Variants in C6orf52 observed in about 807,000 individuals in gnomAD.
C6orf52 encodes putative uncharacterized protein C6orf52.
In C6orf52, 16 loss-of-function variants were observed where a neutral mutation model predicts 16.6. That is an observed-to-expected ratio of 0.96 (90% CI 0.65 to 1.46). The LOEUF (loss-of-function observed/expected upper bound fraction) is 1.46. C6orf52 is among the 40% of genes most tolerant of loss of function. C6orf52 has a pLI of 0.00. For missense variants in C6orf52, 166 were observed against 182.3 expected (o/e 0.91, Z 0.52); for synonymous variants, 53 against 61.4 (o/e 0.86, Z 0.64).
chr6:10,683,379 G>C (rs895323555), intron 3 of C6orf52, 147 bp from the exon 4 acceptor site: 1 of 543,272 alleles, frequency 1.8e-6, no homozygotes, highest in Non-Finnish European at 3.2e-6. Context: ...ATCAACTTTT[G>C]AATTTGATGA....
intron 1 of C6orf52, among the ~76,000 whole-genome samples, chr6:10,690,377 CCACTT>C (rs1236954893): frequency 6.6e-6 from 1 of 152,166 alleles, no homozygotes; most frequent in Admixed American, 6.5e-5. Context: ...AGCATTATCT[CCACTT>C]CCCTTCGTGC....
chr6:10,687,261 ATG>A, intron 2 of C6orf52, 97 bp from the exon 3 acceptor site: 1 of 915,448 alleles, frequency 1.1e-6, no homozygotes. Flanking sequence ...CTGAACACCT[ATG>A]TTCAAAGCCA....
chr6:10,690,122 A>G (rs1353372120), intron 1 of C6orf52, among the ~76,000 whole-genome samples: 2 of 152,210 alleles, frequency 1.3e-5, no homozygotes, highest in African/African-American at 2.4e-5. Context: ...AGAGAGGTCA[A>G]TGTAATCATG....
At chr6:10,676,461 G>A (rs959647383) in intron 4 of C6orf52, among the ~76,000 whole-genome samples, 1 of 152,200 alleles carries the variant, frequency 6.6e-6, no homozygotes, top group Non-Finnish European at 1.5e-5. Context: ...CTAGAAGCTT[G>A]CACATGCAAA....
Position 10,687,157 on chromosome 6 carries a change from A to AG in C6orf52, c.78dup (p.Ser27LeufsTer4). On this transcript the variant is annotated frameshift_variant, in exon 3 of 5. Transcript: ENST00000259983. LOFTEE classifies it high-confidence loss of function. ...AACTCCTGCTTCACTCTAATAGCAG[A>AG]GGGGAGACTACAGGAATGACAATCA... The AG allele has an allele frequency of 6.5e-7, 1 of 1,547,536 alleles. No individual in the cohort carries two copies. The highest frequency in any genetic ancestry group is 8.7e-7 in the Non-Finnish European group (1 of 1,144,430).
At chr6:10,694,612 AAGTCGGCCCCACC>A in exon 1 of C6orf52, 1 of 183,288 alleles carries the variant, frequency 5.5e-6, no homozygotes, top group Non-Finnish European at 1.2e-5. Flanking sequence ...AACCGGCCGG[AAGTCGGCCCCACC>A]TCCTCCTGAT....
In C6orf52 at chr6:10,687,572, A is replaced by G; in HGVS notation, c.-11-11T>C. The G allele has an allele frequency of 6.6e-7, 1 of 1,518,158 alleles. No individual in the cohort carries two copies. Among genetic ancestry groups the G allele is most frequent in the South Asian group, 1.2e-5 (1 of 82,862 alleles). The allele number at this position is 1,518,158 out of a possible 1,614,324, so 94.0% of individuals were successfully genotyped here. A position where few individuals can be genotyped will look rare whatever the true frequency, so the allele number is the denominator to read the frequency against. On this transcript the variant is annotated splice_polypyrimidine_tract_variant and intron_variant, in intron 1 of 4. Transcript: ENST00000259983. The stretch of plus-strand genomic sequence containing the variant: ...CCATTTACCCAGAAACTTTACAAAA[A>G]GAGAGCAGAATCCAGTTTTTATTCC...
chr6:10,676,249 T>G (rs1018801163), intron 4 of C6orf52, among the ~76,000 whole-genome samples: 1 of 152,256 alleles, frequency 6.6e-6, no homozygotes. Flanking sequence ...ATAATCAGGT[T>G]ATTTTCTTGC....
chr6:10,686,025 G>A (rs1034882739), intron 3 of C6orf52, among the ~76,000 whole-genome samples: 1 of 152,098 alleles, frequency 6.6e-6, no homozygotes, highest in African/African-American at 2.4e-5. Flanking sequence ...GTCAGATAAG[G>A]GATGAGCTAA....
chr6:10,692,870 CTGAGAA>C (rs1482137677), intron 1 of C6orf52, among the ~76,000 whole-genome samples: 1 of 152,170 alleles, frequency 6.6e-6, no homozygotes, highest in Non-Finnish European at 1.5e-5. Flanking sequence ...TTCCACTAGA[CTGAGAA>C]TTAGTTTGTC....
Position 10,686,937 on chromosome 6 carries a change from G to A in C6orf52, c.270+29C>T, listed in dbSNP as rs557852372. 31 of 1,466,386 alleles carry A rather than the reference G, an allele frequency of 2.1e-5. No homozygotes were observed. In the East Asian group the frequency reaches 2.5e-4, roughly 12 times the overall value. The allele number at this position is 1,466,386 out of a possible 1,614,324, so 90.8% of individuals were successfully genotyped here. ...GTTTACTATTATTGGGCACACGAAT[G>A]ACACAAGATTCATTCTAGCAAGGGA... is the stretch of plus-strand genomic sequence containing the variant. On this transcript the variant is annotated intron_variant, in intron 3 of 4. Coordinates refer to ENST00000259983, the MANE Select transcript of C6orf52 (RefSeq NM_001145020.3).
chr6:10,687,863 G>A (rs1027062522), intron 1 of C6orf52, among the ~76,000 whole-genome samples: 2 of 152,072 alleles, frequency 1.3e-5, no homozygotes, highest in Non-Finnish European at 2.9e-5. Flanking sequence ...CCCCAGGGAG[G>A]GACAGAAGGG....
intron 4 of C6orf52, among the ~76,000 whole-genome samples, chr6:10,681,567 T>C (rs948057689): frequency 6.6e-6 from 1 of 152,204 alleles, no homozygotes; most frequent in African/African-American, 2.4e-5. Flanking sequence ...CAGCCAATAC[T>C]TGAGTGTTTA....
At position 10,680,707 on chromosome 6, in the gene C6orf52, C is replaced by A. The variant is rs1363635624; in HGVS notation, c.316+2480G>T. Among the ~76,000 whole-genome samples, 6 of 151,934 alleles carry A rather than the reference C, an allele frequency of 3.9e-5. No homozygotes were observed. In the East Asian group the frequency reaches 1.2e-3, roughly 29 times the overall value. Reference sequence around the variant, plus strand: ...AAGAGTTTGAGACCAACCTGAGCAACAAAGTGAGACTCCACCTCTACAAAA... The same window carrying A: ...AAGAGTTTGAGACCAACCTGAGCAAAAAAGTGAGACTCCACCTCTACAAAA... On this transcript the variant is annotated intron_variant, in intron 4 of 4. Coordinates refer to ENST00000259983, the MANE Select transcript of C6orf52 (RefSeq NM_001145020.3).
intron 4 of C6orf52, among the ~76,000 whole-genome samples, chr6:10,676,212 AT>A (rs1400279412): frequency 1.3e-5 from 2 of 152,190 alleles, no homozygotes; most frequent in African/African-American, 4.8e-5. Context: ...TGAAATAAAA[AT>A]TTTTTTAAAT....
chr6:10,685,520 A>G (rs1768802260), intron 3 of C6orf52, among the ~76,000 whole-genome samples: 1 of 152,232 alleles, frequency 6.6e-6, no homozygotes, highest in Non-Finnish European at 1.5e-5. Flanking sequence ...ATAAAATTCA[A>G]TTTTCATTTT....
At chr6:10,688,898 A>G (rs538586786) in intron 1 of C6orf52, among the ~76,000 whole-genome samples, 5 of 151,930 alleles carry the variant, frequency 3.3e-5, no homozygotes, top group African/African-American at 1.2e-4. Flanking sequence ...TGCAACCTCC[A>G]CCTCCCAGGT....
At position 10,694,574 on chromosome 6, in the gene C6orf52, C is replaced by T. The variant is rs114732271; in HGVS notation, c.-92G>A. The T allele has an allele frequency of 0.016, 2,982 of 186,830 alleles. 101 individuals carry two copies. Among genetic ancestry groups the T allele is most frequent in the African/African-American group, 0.067 (2,832 of 42,184 alleles). 11.6% of individuals were successfully genotyped at this position (186,830 alleles called of 1,614,324 possible). On this transcript the variant is annotated 5_prime_UTR_variant, in exon 1 of 5. Transcript: ENST00000259983. ...TACTAGTACACAGCCCACAACAATGCACGCTGCCGGCGCTACAGCCCCTAA... is the reference window on the plus strand; with the variant it reads ...TACTAGTACACAGCCCACAACAATGTACGCTGCCGGCGCTACAGCCCCTAA...
intron 4 of C6orf52, among the ~76,000 whole-genome samples, chr6:10,681,239 A>G (rs1768361878): frequency 6.6e-6 from 1 of 152,056 alleles, no homozygotes; most frequent in African/African-American, 2.4e-5. Flanking sequence ...ATGTTATCCA[A>G]TTTACTGATG....
Sources: allele counts gnomAD v4.1 joint callset (sites outside exome capture counted in the v4.1 genomes callset), GRCh38; gene constraint gnomAD v4.1.1; transcripts MANE v1.5; gene names NCBI Gene and HGNC (gene_info 2026-07-23, HGNC 2026-07-21).